The following PLPP7 variants were observed in gnomAD, a reference collection of about 807,000 sequenced individuals.
PLPP7 encodes the protein inactive phospholipid phosphatase 7.
A neutral mutation model predicts 16.9 loss-of-function variants in PLPP7; 11 were observed. The ratio of observed to expected loss-of-function variants is 0.65; its 90% confidence interval spans 0.41 to 1.08. PLPP7 has a LOEUF of 1.08. Among genes scored for constraint, PLPP7 ranks in the 50% least tolerant of loss-of-function variants. The probability of loss-of-function intolerance (pLI) is 0.00; values close to 1 mark genes in which losing one functional copy is unlikely to be tolerated. For synonymous variants in PLPP7, 174 were observed against 175.1 expected (o/e 0.99, Z 0.05); for missense variants, 358 against 397.1 (o/e 0.90, Z 0.84).
chr9:131,301,250 T>C (rs1404015683), intron 1 of PLPP7, among the ~76,000 whole-genome samples: 1 of 152,170 alleles, frequency 6.6e-6, no homozygotes, highest in Non-Finnish European at 1.5e-5. Context: ...CTTACGGGCA[T>C]GAGCCACCGC....
intron 1 of PLPP7, chr9:131,291,049 G>A (rs1489977219): frequency 1.5e-6 from 2 of 1,365,382 alleles, no homozygotes; most frequent in South Asian, 1.1e-5. Flanking sequence ...ACTGGAGAAG[G>A]GTTCGGGGGG....
chr9:131,302,204 C>T (rs966323697), intron 1 of PLPP7, among the ~76,000 whole-genome samples: 1 of 152,170 alleles, frequency 6.6e-6, no homozygotes, highest in Admixed American at 6.5e-5. Context: ...GAGACTTGAA[C>T]CCCACCTGTG....
intron 1 of PLPP7, among the ~76,000 whole-genome samples, chr9:131,297,629 G>A (rs1186524279): frequency 6.6e-6 from 1 of 152,064 alleles, no homozygotes; most frequent in Non-Finnish European, 1.5e-5. Flanking sequence ...CAAGCTATCC[G>A]CCTGCCACCG....
At chr9:131,307,901 G>A (rs760615324) in intron 1 of PLPP7, 22 bp from the exon 2 acceptor site, 1 of 1,552,990 alleles carries the variant, frequency 6.4e-7, no homozygotes, top group Non-Finnish European at 8.7e-7. Context: ...ATGGCCCAGG[G>A]GCCTCTGTCT....
chr9:131,295,710 T>G lies in PLPP7; in HGVS notation c.451+5262T>G, dbSNP rs1454512696. On this transcript the variant is annotated intron_variant, in intron 1 of 1. Transcript: ENST00000372264. The surrounding 1 kb of genome is among the most constrained non-coding windows in gnomAD (Gnocchi z 4.0). Reference sequence around the variant, plus strand: ...ACCTCCATTCTACACTCTGTCTCTGTGGATTTGACTGTTCTAGGGACCTCA... The same window carrying G: ...ACCTCCATTCTACACTCTGTCTCTGGGGATTTGACTGTTCTAGGGACCTCA... 6.6e-6 allele frequency among the ~76,000 whole-genome samples: 1 copy of G among 152,094 alleles called. No individual in the cohort carries two copies. The highest frequency in any genetic ancestry group is 1.5e-5 in the Non-Finnish European group (1 of 68,022).
chr9:131,294,648 T>A (rs930211710), intron 1 of PLPP7, among the ~76,000 whole-genome samples: 1 of 151,722 alleles, frequency 6.6e-6, no homozygotes, highest in Admixed American at 6.6e-5. Flanking sequence ...TATGAAAGTA[T>A]CTTTTTGTTT....
At chr9:131,291,024 T>C (rs2131211429) in intron 1 of PLPP7, 1 of 1,352,330 alleles carries the variant, frequency 7.4e-7, no homozygotes, top group Non-Finnish European at 9.9e-7. Flanking sequence ...TCCCTGCTCC[T>C]TCCCAGGGGG....
In PLPP7 at chr9:131,295,756, A is replaced by G. The variant is rs1835729680; in HGVS notation, c.451+5308A>G. On this transcript the variant is annotated intron_variant, in intron 1 of 1. Transcript: ENST00000372264. This position sits in a 1 kb window ranked among gnomAD's most constrained non-coding sequence, Gnocchi z 4.0. The stretch of plus-strand genomic sequence containing the variant: ...CCTCAAGTAAGTGGAATCGTACTGT[A>G]TTTGTCTTTTGTGGCTGGCTGATTT... Among the ~76,000 whole-genome samples, 1 of 151,758 alleles carries G rather than the reference A, an allele frequency of 6.6e-6. No homozygotes were observed. Among genetic ancestry groups the G allele is most frequent in the African/African-American group, 2.4e-5 (1 of 41,302 alleles).
At chr9:131,305,261 A>T (rs1835841766) in intron 1 of PLPP7, among the ~76,000 whole-genome samples, 1 of 152,226 alleles carries the variant, frequency 6.6e-6, no homozygotes, top group Non-Finnish European at 1.5e-5. Context: ...ATGGATAAAC[A>T]AATTGTGGCC....
In PLPP7 at chr9:131,307,579, A is replaced by C. The variant is rs564727315; in HGVS notation, c.452-344A>C. Among the ~76,000 whole-genome samples, 641 of 148,714 alleles carry C rather than the reference A, an allele frequency of 4.3e-3. 5 individuals are homozygous for C. Among genetic ancestry groups the C allele is most frequent in the African/African-American group, 0.015 (605 of 40,028 alleles). ...AAAAAAAAAAAAAAAAAAAAAAAAA[A>C]AAAAACCCAAAGAAATAAAATGCGT... On this transcript the variant is annotated intron_variant, in intron 1 of 1. Transcript: ENST00000372264.
At chr9:131,307,837 G>A in intron 1 of PLPP7, 86 bp from the exon 2 acceptor site, 2 of 1,351,722 alleles carry the variant, frequency 1.5e-6, no homozygotes, top group Non-Finnish European at 2.0e-6. Context: ...AGCAGAAAGG[G>A]GAGGCGAGGT....
At chr9:131,306,012 C>T (rs747174974) in intron 1 of PLPP7, among the ~76,000 whole-genome samples, 14 of 150,294 alleles carry the variant, frequency 9.3e-5, no homozygotes, top group African/African-American at 2.7e-4. Flanking sequence ...CCAAGACGGG[C>T]GGATCGCGAG....
intron 1 of PLPP7, among the ~76,000 whole-genome samples, chr9:131,304,568 G>A (rs1835833212): frequency 6.6e-6 from 1 of 152,214 alleles, no homozygotes; most frequent in South Asian, 2.1e-4. Flanking sequence ...CCGGAAGGCG[G>A]AGATTGCAGT....
At chr9:131,291,539 T>A in intron 1 of PLPP7, 1 of 390,748 alleles carries the variant, frequency 2.6e-6, no homozygotes, top group Non-Finnish European at 3.5e-6. Context: ...GTCTGCCACC[T>A]TCGAGGTTTT....
intron 1 of PLPP7, among the ~76,000 whole-genome samples, chr9:131,294,613 G>A (rs1384427422): frequency 1.3e-5 from 2 of 152,100 alleles, no homozygotes; most frequent in Non-Finnish European, 2.9e-5. Flanking sequence ...AATGCCTCTG[G>A]TCTTGTTCCT....
chr9:131,306,994 G>A lies in PLPP7; in HGVS notation c.452-929G>A, dbSNP rs929206003. ...ACAGTGGCTCACGCCTGTAATGGGT[G>A]AACACTTGGGGAGGCTGAGGCGGGC... On this transcript the variant is annotated intron_variant, in intron 1 of 1. Coordinates refer to ENST00000372264, the MANE Select transcript of PLPP7 (RefSeq NM_032728.4). 1.7e-4 allele frequency among the ~76,000 whole-genome samples: 26 copies of A among 152,244 alleles called. No homozygotes were observed. In the East Asian group the frequency reaches 5.0e-3, roughly 29 times the overall value.
At position 131,307,902 on chromosome 9, in the gene PLPP7, G is replaced by T. The variant is rs766261893; in HGVS notation, c.452-21G>T. On this transcript the variant is annotated intron_variant, in intron 1 of 1. Transcript: ENST00000372264. ...GGCTGGTGGCCCTGATGGCCCAGGG[G>T]CCTCTGTCTCCCCCCAACAGCCCTG... The T allele has an allele frequency of 5.8e-6, 9 of 1,553,916 alleles. No individual in the cohort carries two copies. The South Asian group carries it at 7.1e-5, about 12-fold the overall frequency.
At chr9:131,293,027 G>A in intron 1 of PLPP7, 1 of 901,034 alleles carries the variant, frequency 1.1e-6, no homozygotes, top group Non-Finnish European at 1.3e-6. Flanking sequence ...AAAGACAATG[G>A]CATGAACGGC....
chr9:131,306,415 G>T (rs1181467466), intron 1 of PLPP7, among the ~76,000 whole-genome samples: 1 of 151,742 alleles, frequency 6.6e-6, no homozygotes, highest in South Asian at 2.1e-4. Flanking sequence ...GGCAGCGTGC[G>T]CCTGTAATCC....
Sources: gnomAD v4.1 joint callset for allele counts (sites outside exome capture counted in the v4.1 genomes callset) on GRCh38, gnomAD v4.1.1 for gene constraint, Gnocchi (gnomAD v3.1) non-coding constraint, MANE v1.5 for transcripts, NCBI Gene and HGNC (gene_info 2026-07-23, HGNC 2026-07-21) for gene names.